Variants in SDK1 observed in about 807,000 individuals in gnomAD.
SDK1 encodes sidekick cell adhesion molecule 1.
Under a neutral mutation model 245.5 loss-of-function variants are expected in SDK1, and 157 were observed. The ratio of observed to expected loss-of-function variants is 0.64; its 90% CI spans 0.56 to 0.73. The LOEUF is 0.73. Among genes scored for constraint, SDK1 ranks in the 30% least tolerant of loss-of-function variants. The pLI, the probability that SDK1 is intolerant of heterozygous loss-of-function variation, is 0.00. For synonymous variants in SDK1, 1,647 were observed against 1,278.5 expected (o/e 1.29, Z -6.15); for missense variants, 3,583 against 3,002.3 (o/e 1.19, Z -4.52).
chr7:3,804,718 G>T (rs533690199), intron 4 of SDK1, among the ~76,000 whole-genome samples: 27 of 152,236 alleles, frequency 1.8e-4, no homozygotes, highest in Admixed American at 1.6e-3. Context: ...CATTTGTGTA[G>T]AACTTTGATT....
chr7:4,037,597 G>A (rs1474400449), intron 17 of SDK1, among the ~76,000 whole-genome samples: 11 of 152,156 alleles, frequency 7.2e-5, no homozygotes, highest in Non-Finnish European at 1.6e-4. Context: ...CCCAGCTTGG[G>A]CGACAGTGCA....
At chr7:3,768,334 G>A (rs1218728982) in intron 4 of SDK1, among the ~76,000 whole-genome samples, 1 of 152,088 alleles carries the variant, frequency 6.6e-6, no homozygotes, top group Non-Finnish European at 1.5e-5. Flanking sequence ...CAAAACTCAA[G>A]GACAGTATTG....
At chr7:4,089,286 G>A (rs986145481) in intron 22 of SDK1, among the ~76,000 whole-genome samples, 4 of 152,238 alleles carry the variant, frequency 2.6e-5, no homozygotes, top group Non-Finnish European at 5.9e-5. Flanking sequence ...CCTGCCACAC[G>A]TTGTGGGTGT....
chr7:3,431,497 C>T (rs551479875), intron 1 of SDK1, among the ~76,000 whole-genome samples: 118 of 151,392 alleles, frequency 7.8e-4, no homozygotes, highest in Non-Finnish European at 1.4e-3. Flanking sequence ...CCTTTTAAGT[C>T]ACATTCTTTG....
intron 4 of SDK1, among the ~76,000 whole-genome samples, chr7:3,675,157 T>A (rs1179880601): frequency 2.6e-5 from 4 of 152,180 alleles, no homozygotes; most frequent in Non-Finnish European, 5.9e-5. Flanking sequence ...CCACCCATAG[T>A]CTATATCATA....
intron 9 of SDK1, 152 bp from the exon 10 acceptor site, chr7:3,967,166 A>G (rs1298599395): frequency 6.3e-6 from 4 of 638,048 alleles, no homozygotes; most frequent in Non-Finnish European, 1.1e-5. Context: ...GGAACAGTGG[A>G]GGGCTGCCGT....
intron 4 of SDK1, among the ~76,000 whole-genome samples, chr7:3,759,008 G>A (rs1780018267): frequency 6.6e-6 from 1 of 152,092 alleles, no homozygotes; most frequent in Admixed American, 6.5e-5. Flanking sequence ...CTCTGACAGG[G>A]AGAAACCTGA....
At chr7:3,316,870 A>G (rs797001400) in intron 1 of SDK1, among the ~76,000 whole-genome samples, 6 of 152,184 alleles carry the variant, frequency 3.9e-5, no homozygotes, top group African/African-American at 1.4e-4. Flanking sequence ...GGCAAACACT[A>G]TTTAAACCTT....
intron 15 of SDK1, 120 bp downstream of exon 15, chr7:4,011,233 C>A (rs546385035): frequency 1.4e-5 from 18 of 1,245,030 alleles, no homozygotes; most frequent in Admixed American, 2.2e-5. Context: ...CTCAGGGAGA[C>A]GGGACAAACC....
chr7:3,657,439 T>C (rs2128658147), intron 4 of SDK1, among the ~76,000 whole-genome samples: 1 of 152,220 alleles, frequency 6.6e-6, no homozygotes, highest in South Asian at 2.1e-4. Flanking sequence ...AGCGTCACTG[T>C]CTGGAAATTC....
intron 19 of SDK1, among the ~76,000 whole-genome samples, chr7:4,063,731 A>G (rs538808993): frequency 4.6e-5 from 7 of 152,320 alleles, no homozygotes; most frequent in African/African-American, 9.6e-5. Context: ...TGACAAGTCT[A>G]TAATAACCAA....
chr7:3,679,571 A>T (rs1302083349), intron 4 of SDK1, among the ~76,000 whole-genome samples: 2 of 149,680 alleles, frequency 1.3e-5, no homozygotes, highest in Non-Finnish European at 2.9e-5. Context: ...CATCTCAAAA[A>T]AGAAAAGAAA....
chr7:3,706,530 T>C (rs1397087363), intron 4 of SDK1, among the ~76,000 whole-genome samples: 1 of 152,126 alleles, frequency 6.6e-6, no homozygotes, highest in African/African-American at 2.4e-5. Context: ...GCCTCCCAAA[T>C]AGCTGGGACT....
chr7:3,891,318 C>G (rs929317133), intron 5 of SDK1, among the ~76,000 whole-genome samples: 2 of 152,140 alleles, frequency 1.3e-5, no homozygotes, highest in Non-Finnish European at 2.9e-5. Flanking sequence ...TGAATCTGCC[C>G]TCTGCCAGGT....
intron 22 of SDK1, among the ~76,000 whole-genome samples, chr7:4,099,918 G>A (rs1489435320): frequency 3.9e-5 from 6 of 152,014 alleles, no homozygotes; most frequent in East Asian, 3.9e-4. Flanking sequence ...GGCTGACCTC[G>A]TCCCACTGGG....
At chr7:3,309,361 C>T (rs1779495317) in intron 1 of SDK1, among the ~76,000 whole-genome samples, 2 of 150,296 alleles carry the variant, frequency 1.3e-5, no homozygotes, top group South Asian at 4.2e-4. Context: ...CTGTGGTTTC[C>T]ACAGCCAAGT....
intron 4 of SDK1, among the ~76,000 whole-genome samples, chr7:3,752,838 A>G (rs981096928): frequency 1.3e-5 from 2 of 152,224 alleles, no homozygotes; most frequent in Non-Finnish European, 2.9e-5. Flanking sequence ...TCTATATAGT[A>G]TAGTAGTATC....
intron 30 of SDK1, among the ~76,000 whole-genome samples, chr7:4,157,478 G>A (rs201276874): frequency 2.8e-4 from 38 of 136,128 alleles, no homozygotes; most frequent in Middle Eastern, 3.6e-3. Context: ...AGGAAGGAGG[G>A]AAGGAAGGGA....
At chr7:3,569,295 G>A (rs1780031681) in intron 1 of SDK1, among the ~76,000 whole-genome samples, 2 of 152,182 alleles carry the variant, frequency 1.3e-5, no homozygotes, top group Admixed American at 1.3e-4. Context: ...CTGAGAGCCT[G>A]GTTCATCTGC....
Sources: gnomAD v4.1 joint callset for allele counts (sites outside exome capture counted in the v4.1 genomes callset) on GRCh38, gnomAD v4.1.1 for gene constraint, MANE v1.5 for transcripts, NCBI Gene and HGNC (gene_info 2026-07-23, HGNC 2026-07-21) for gene names.